RTL4: variants seen among roughly 807,000 people sequenced by gnomAD.
The protein encoded by RTL4 is retrotransposon Gag-like protein 4.
In RTL4, 4 loss-of-function variants were observed where a neutral mutation model predicts 5.3. The ratio of observed to expected loss-of-function variants is 0.75; its 90% CI spans 0.37 to 1.72. The LOEUF (loss-of-function observed/expected upper bound fraction) is 1.72, where lower values mean the gene tolerates loss of function less well. Ranked by LOEUF, RTL4 falls within the 40% of genes most tolerant of loss-of-function variation. RTL4 has a pLI of 0.04. For missense variants in RTL4, 260 were observed against 227.1 expected (o/e 1.14, Z -0.93); for synonymous variants, 98 against 87.3 (o/e 1.12, Z -0.68).
the RTL4 span, among the ~76,000 whole-genome samples, chrX:112,244,844 T>C: frequency 1.8e-5 from 2 of 111,870 alleles, no homozygotes; most frequent in African/African-American, 6.5e-5. Context: ...AGTTGTTTCT[T>C]TCCGTGTTTA....
chrX:112,180,120 C>T, the RTL4 span, among the ~76,000 whole-genome samples: 1 of 111,148 alleles, frequency 9.0e-6, no homozygotes, highest in African/African-American at 3.3e-5. Flanking sequence ...CTTATGATAT[C>T]TTGTATGACA....
chrX:112,179,467 G>A, the RTL4 span, among the ~76,000 whole-genome samples: 6 of 111,788 alleles, frequency 5.4e-5, no homozygotes, highest in African/African-American at 1.6e-4. Context: ...ATGTTGGGTC[G>A]GTTCACCAAG....
chrX:112,152,580 G>T, the RTL4 span, among the ~76,000 whole-genome samples: 1 of 111,432 alleles, frequency 9.0e-6, no homozygotes. Context: ...CTTCTGCTCT[G>T]TCACACATTT....
chrX:112,283,994 T>A, the RTL4 span, among the ~76,000 whole-genome samples: 1 of 109,903 alleles, frequency 9.1e-6, no homozygotes, highest in African/African-American at 3.3e-5. Flanking sequence ...TTTTGTTTTA[T>A]CTATTTATTT....
At chrX:112,381,413 A>G in the RTL4 span, 3 of 1,209,805 alleles carry the variant, frequency 2.5e-6, no homozygotes, top group East Asian at 5.9e-5. Flanking sequence ...GAACAAGCAT[A>G]TAAAACAAGC....
chrX:112,342,571 C>T, the RTL4 span, among the ~76,000 whole-genome samples: 1 of 107,485 alleles, frequency 9.3e-6, no homozygotes, highest in Admixed American at 1.0e-4. Flanking sequence ...CCAGGAAGCT[C>T]TCCATCTCTA....
At chrX:112,403,142 C>T in the RTL4 span, among the ~76,000 whole-genome samples, 32 of 111,501 alleles carry the variant, frequency 2.9e-4, no homozygotes, top group African/African-American at 9.1e-4. Context: ...GCATCCCCCC[C>T]AACCTTTGCA....
the RTL4 span, among the ~76,000 whole-genome samples, chrX:112,242,378 G>C: frequency 1.2e-4 from 13 of 111,568 alleles, no homozygotes; most frequent in East Asian, 3.4e-3. Context: ...TCATTGAGCA[G>C]TGTTTTGTAG....
the RTL4 span, among the ~76,000 whole-genome samples, chrX:112,197,091 A>G: frequency 6.1e-3 from 609 of 99,827 alleles, 3 homozygotes; most frequent in Non-Finnish European, 1.0e-2. Flanking sequence ...TTGCCCATTT[A>G]AAAAACAACA....
chrX:112,100,414 TAA>T, the RTL4 span, among the ~76,000 whole-genome samples: 1 of 112,156 alleles, frequency 8.9e-6, no homozygotes, highest in Non-Finnish European at 1.9e-5. Flanking sequence ...TGACAAAAGC[TAA>T]AGTCTACAAT....
At chrX:112,284,966 A>G in the RTL4 span, among the ~76,000 whole-genome samples, 2 of 111,974 alleles carry the variant, frequency 1.8e-5, no homozygotes, top group Non-Finnish European at 3.8e-5. Context: ...CGTCCAGCAA[A>G]GTTAAAGGCT....
chrX:112,344,385 G>A, the RTL4 span, among the ~76,000 whole-genome samples: 32 of 112,324 alleles, frequency 2.8e-4, no homozygotes, highest in Non-Finnish European at 4.9e-4. Flanking sequence ...TTGGTTCAAG[G>A]TTCTGCAGGC....
chrX:112,185,504 C>G, the RTL4 span, among the ~76,000 whole-genome samples: 1 of 106,820 alleles, frequency 9.4e-6, no homozygotes, highest in Non-Finnish European at 1.9e-5. Flanking sequence ...ATGCTGTGCT[C>G]TCGTAGAATT....
the RTL4 span, among the ~76,000 whole-genome samples, chrX:112,185,623 T>C: frequency 9.4e-6 from 1 of 105,915 alleles, no homozygotes; most frequent in East Asian, 3.0e-4. Flanking sequence ...TCTCTCTCTC[T>C]CCCTCTCTCT....
At chrX:112,291,367 TACACACACACACACACACAC>T in the RTL4 span, among the ~76,000 whole-genome samples, 133 of 95,415 alleles carry the variant, frequency 1.4e-3, no homozygotes, top group African/African-American at 4.8e-3. Context: ...TGTATGTTTG[TACACACACACACACACACAC>T]ACACACACAC....
chrX:112,236,509 A>C, the RTL4 span, among the ~76,000 whole-genome samples: 328 of 80,871 alleles, frequency 4.1e-3, no homozygotes, highest in African/African-American at 0.011. Context: ...AGATATAGAT[A>C]TATATAAAAT....
chrX:112,203,072 A>T, the RTL4 span, among the ~76,000 whole-genome samples: 14 of 110,954 alleles, frequency 1.3e-4, no homozygotes, highest in Non-Finnish European at 2.3e-4. Flanking sequence ...TTTTTCAGAG[A>T]ACTGTCTCTT....
the RTL4 span, among the ~76,000 whole-genome samples, chrX:112,181,946 T>C: frequency 9.0e-6 from 1 of 111,356 alleles, no homozygotes; most frequent in African/African-American, 3.3e-5. Flanking sequence ...AGCTGGCATC[T>C]GGCAGGTGCC....
chrX:112,165,604 G>T, the RTL4 span, among the ~76,000 whole-genome samples: 1 of 111,163 alleles, frequency 9.0e-6, no homozygotes, highest in Non-Finnish European at 1.9e-5. Context: ...TCTCTTTCCC[G>T]TTTTGGCCTC....
Sources: gnomAD v4.1 joint callset for allele counts (sites outside exome capture counted in the v4.1 genomes callset) on GRCh38, gnomAD v4.1.1 for gene constraint, MANE v1.5 for transcripts, NCBI Gene and HGNC (gene_info 2026-07-23, HGNC 2026-07-21) for gene names.